The following HERC1 variants were observed in gnomAD, a reference collection of about 807,000 sequenced individuals.
HERC1 encodes the protein HECT and RLD domain containing E3 ubiquitin protein ligase family member 1, also known as probable E3 ubiquitin-protein ligase HERC1.
A neutral mutation model predicts 554.3 loss-of-function variants in HERC1; 160 were observed. The observed-to-expected ratio is 0.29, with a 90% CI of 0.25 to 0.33. The LOEUF is 0.33. Ranked by LOEUF, HERC1 falls within the 10% of genes least tolerant of loss-of-function variation. HERC1 has a pLI of 1.00. For missense variants in HERC1, 4,919 were observed against 5,918.5 expected (o/e 0.83, Z 5.54); for synonymous variants, 2,175 against 2,131.7 (o/e 1.02, Z -0.56).
At position 63,623,712 on chromosome 15, in the gene HERC1, T is replaced by G; in HGVS notation, c.13611+13A>C. The G allele has an allele frequency of 1.3e-5, 21 of 1,613,286 alleles. No individual in the cohort carries two copies. The highest frequency in any genetic ancestry group is 1.7e-5 in the Non-Finnish European group (20 of 1,179,480). ...GACTAGATAACTCAGCAGGGGACAC[T>G]GCAGGAATATACCTGGCACATCTCT... On this transcript the variant is annotated intron_variant, in intron 73 of 77. Coordinates refer to ENST00000443617, the MANE Select transcript of HERC1 (RefSeq NM_003922.4).
chr15:63,670,939 C>A (rs918065179), intron 39 of HERC1, among the ~76,000 whole-genome samples: 2 of 152,012 alleles, frequency 1.3e-5, no homozygotes, highest in Admixed American at 6.6e-5. Context: ...CGGTGGCTCA[C>A]ATCTGTAATC....
chr15:63,694,774 C>T lies in HERC1; in HGVS notation c.5242G>A (p.Glu1748Lys). 6.2e-7 allele frequency: 1 copy of T among 1,613,826 alleles called. No homozygotes were observed. The change falls in exon 28 of 78, where the codon GAA becomes AAA. Residue 1748 changes from glutamate (E) to lysine (K), a missense_variant and splice_region_variant. Glu to Lys is a moderately conservative substitution (Grantham distance 56). Around this residue, in one of 11 missense-constraint regions of HERC1, gnomAD observed 1,121 missense variants for 1,244.0 expected, o/e 0.90. Transcript: ENST00000443617. The surrounding 1 kb of genome is among the most constrained non-coding windows in gnomAD (Gnocchi z 4.3). ...ACATTTGCAGGAACCGTTTACTTAC[C>T]AATGTGATGCTTGTTTGCTTGCAGG... ...RALQANKHHI[E>K]AQQRLLLVTV... is the part of the protein sequence containing the mutation.
At position 63,687,925 on chromosome 15, in the gene HERC1, A is replaced by G. The variant is rs770815423; in HGVS notation, c.6049-1390T>C. 3.5e-4 allele frequency among the ~76,000 whole-genome samples: 53 copies of G among 152,218 alleles called. 1 individual carries two copies. The highest frequency in any genetic ancestry group is 6.3e-4 in the Non-Finnish European group (43 of 68,032). On this transcript the variant is annotated intron_variant, in intron 33 of 77. Transcript: ENST00000443617. ...TACTGTGTTCAAGAACTACAAGAAG[A>G]AGGCAAGTTGCTTAGACTATAGTGA...
At position 63,635,990 on chromosome 15, in the gene HERC1, C is replaced by T; in HGVS notation, c.12385G>A (p.Glu4129Lys). The stretch of plus-strand genomic sequence containing the variant: ...ACCACTTCTTCTCCTTGTAAGGCCT[C>T]GATCTGCCTGGGCCGCCGCTGCCTG... ...SDRQRRPRQIEALQGEEVVQM... is the reference protein window; with the variant it reads ...SDRQRRPRQIKALQGEEVVQM... The change falls in exon 65 of 78, where the codon GAG (glutamate) becomes AAG (lysine). Residue 4129 changes from glutamate to lysine, a missense_variant. By Grantham distance (56) the Glu-to-Lys change is moderately conservative (BLOSUM62 1). Around this residue, in one of 11 missense-constraint regions of HERC1, gnomAD observed 122 missense variants for 195.2 expected, o/e 0.63. Coordinates refer to ENST00000443617, the MANE Select transcript of HERC1 (RefSeq NM_003922.4). 1 of 1,613,930 alleles carries T rather than the reference C, an allele frequency of 6.2e-7. No individual in the cohort carries two copies. Among genetic ancestry groups the T allele is most frequent in the Non-Finnish European group, 8.5e-7 (1 of 1,179,864 alleles).
chr15:63,718,622 G>A lies in HERC1; in HGVS notation c.3930C>T (p.Cys1310=). 2 of 1,589,840 alleles carry A rather than the reference G, an allele frequency of 1.3e-6. No homozygotes were observed. Among genetic ancestry groups the A allele is most frequent in the Non-Finnish European group, 8.6e-7 (1 of 1,166,092 alleles). ...VYKVRSRLLA[C]KNLELIQTRS... ...TTGTTTGAATAAGTTCAAGGTTCTT[G>A]CAAGCAAGTAAACGACTTCGAACTT... Residue 1310 remains cysteine (C), a synonymous_variant, in exon 21 of 78, where the codon TGC becomes TGT. Coordinates refer to ENST00000443617, the MANE Select transcript of HERC1 (RefSeq NM_003922.4). This position sits in a 1 kb window ranked among gnomAD's most constrained non-coding sequence, Gnocchi z 4.2.
At chr15:63,634,622 C>A (rs910948654) in intron 66 of HERC1, 111 bp downstream of exon 66, 1 of 742,506 alleles carries the variant, frequency 1.3e-6, no homozygotes, top group Admixed American at 3.1e-5. Flanking sequence ...GCAAAATGTA[C>A]ATGAGGTTAG....
intron 1 of HERC1, among the ~76,000 whole-genome samples, chr15:63,822,015 T>C (rs1316280616): frequency 2.0e-5 from 3 of 152,158 alleles, no homozygotes; most frequent in African/African-American, 4.8e-5. Flanking sequence ...TATTTTACAC[T>C]GTATTCAGTG....
chr15:63,699,191 T>G (rs1220221240), intron 25 of HERC1, among the ~76,000 whole-genome samples, 195 bp from the exon 26 acceptor site: 2 of 152,112 alleles, frequency 1.3e-5, no homozygotes, highest in Admixed American at 1.3e-4. Context: ...ATTAGAGCAA[T>G]GTAAGAAAAT....
chr15:63,805,901 C>T (rs1032678895), intron 1 of HERC1, among the ~76,000 whole-genome samples: 1 of 151,420 alleles, frequency 6.6e-6, no homozygotes, highest in Non-Finnish European at 1.5e-5. Context: ...CATGATCATG[C>T]CACTGCACTA....
chr15:63,622,805 A>T lies in HERC1; in HGVS notation c.13688+10T>A. ...TTAGACATATAATGAACACTTGCTG[A>T]CTGCCATACCTGTCCCTATTGTAAC... On this transcript the variant is annotated intron_variant, in intron 74 of 77. Coordinates refer to ENST00000443617, the MANE Select transcript of HERC1 (RefSeq NM_003922.4). 1.3e-6 allele frequency: 2 copies of T among 1,584,872 alleles called. No homozygotes were observed. The highest frequency in any genetic ancestry group is 1.7e-6 in the Non-Finnish European group (2 of 1,165,108).
intron 31 of HERC1, among the ~76,000 whole-genome samples, chr15:63,691,661 G>T (rs62014216): frequency 0.14 from 21,449 of 151,882 alleles, 2,040 homozygotes; most frequent in Middle Eastern, 0.21. Flanking sequence ...AGGAGCAGTT[G>T]TAAGTTATAC....
At chr15:63,765,942 A>C (rs922233296) in intron 2 of HERC1, among the ~76,000 whole-genome samples, 3 of 151,952 alleles carry the variant, frequency 2.0e-5, no homozygotes, top group African/African-American at 7.3e-5. Flanking sequence ...GAGAAAGATC[A>C]ATTTCTTGTC....
intron 1 of HERC1, among the ~76,000 whole-genome samples, chr15:63,814,876 A>T (rs1168047638): frequency 6.6e-6 from 1 of 152,272 alleles, no homozygotes; most frequent in Admixed American, 6.5e-5. Context: ...GGATCAAATA[A>T]GAATTCATAT....
chr15:63,825,446 C>G (rs8032074), intron 1 of HERC1, among the ~76,000 whole-genome samples: 2,489 of 152,188 alleles, frequency 0.016, 62 homozygotes, highest in African/African-American at 0.056. Flanking sequence ...TGCTTACATA[C>G]AGCAATCATT....
intron 2 of HERC1, among the ~76,000 whole-genome samples, chr15:63,769,215 C>A (rs531564669): frequency 2.6e-5 from 4 of 152,230 alleles, no homozygotes; most frequent in African/African-American, 9.6e-5. Flanking sequence ...GTCAGGAGTT[C>A]AAAACCAGCC....
chr15:63,720,106 T>TTTTTTTTTTTTTTTTTTTTTTTTTC (rs1416624760), intron 19 of HERC1, among the ~76,000 whole-genome samples: 2 of 19,700 alleles, frequency 1.0e-4, no homozygotes, highest in African/African-American at 5.5e-4. Flanking sequence ...TTCTTCCCTT[T>TTTTTTTTTTTTTTTTTTTTTTTTTC]TTTTTTTTTT....
At chr15:63,622,557 T>C (rs1595838381) in intron 74 of HERC1, among the ~76,000 whole-genome samples, 1 of 152,008 alleles carries the variant, frequency 6.6e-6, no homozygotes, top group East Asian at 1.9e-4. Flanking sequence ...GGTCTTAAAC[T>C]CCTGATATCA....
Position 63,661,074 on chromosome 15 carries a change from C to T in HERC1, c.9171-49G>A, listed in dbSNP as rs369611705. On this transcript the variant is annotated intron_variant, in intron 45 of 77. Transcript: ENST00000443617. ...GCATTTTTATATAAAACAGTTAGTA[C>T]CCCAAGATGCAAATTAAGTCATTAG... The T allele has an allele frequency of 6.4e-5, 83 of 1,304,030 alleles. No homozygotes were observed. The African/African-American group carries it at 1.1e-3, about 17-fold the overall frequency. The allele number at this position is 1,304,030 out of a possible 1,614,324, so 80.8% of individuals were successfully genotyped here. A position where few individuals can be genotyped will look rare whatever the true frequency, so the allele number is the denominator to read the frequency against.
intron 69 of HERC1, among the ~76,000 whole-genome samples, chr15:63,629,767 A>T (rs1327265372): frequency 6.6e-6 from 1 of 152,180 alleles, no homozygotes; most frequent in Non-Finnish European, 1.5e-5. Context: ...TAGACCTTGA[A>T]CTTAAGGGTC....
Sources: gnomAD v4.1 joint callset for allele counts (sites outside exome capture counted in the v4.1 genomes callset) on GRCh38, gnomAD v4.1.1 for gene constraint, gnomAD v4.1.1 regional missense constraint, Gnocchi (gnomAD v3.1) non-coding constraint, MANE v1.5 for transcripts, NCBI Gene and HGNC (gene_info 2026-07-23, HGNC 2026-07-21) for gene names.